SVEP1: variants seen among roughly 807,000 people sequenced by gnomAD.
The protein encoded by SVEP1 is sushi, von Willebrand factor type A, EGF and pentraxin domain-containing protein 1.
A neutral mutation model predicts 367.3 loss-of-function variants in SVEP1; 164 were observed. That is an observed-to-expected ratio of 0.45 (90% CI 0.39 to 0.51). SVEP1 has a LOEUF of 0.51. Ranked by LOEUF, SVEP1 falls within the 20% of genes least tolerant of loss-of-function variation. The pLI is 0.00. For missense variants in SVEP1, 4,117 were observed against 4,425.3 expected, an observed-to-expected ratio of 0.93 and a Z score of 1.98; for synonymous variants, 1,666 against 1,611.6, an observed-to-expected ratio of 1.03 and a Z score of -0.81.
chr9:110,480,454 G>A (rs1262797733), intron 12 of SVEP1, among the ~76,000 whole-genome samples: 1 of 151,922 alleles, frequency 6.6e-6, no homozygotes, highest in East Asian at 1.9e-4. Context: ...TCACTTCAGA[G>A]AATATTTATT....
In SVEP1 at chr9:110,375,276, C is replaced by T. The variant is rs190899228; in HGVS notation, c.10600+92G>A. On this transcript the variant is annotated intron_variant, in intron 46 of 47. Transcript: ENST00000374469. Reference sequence around the variant, plus strand: ...AAACATCAGTACTTTTTCATTTTGCCACCACTTCTGAGTCTAAGTCACACT... The same window carrying T: ...AAACATCAGTACTTTTTCATTTTGCTACCACTTCTGAGTCTAAGTCACACT... 2,263 of 1,105,736 alleles carry T rather than the reference C, an allele frequency of 2.0e-3. 31 individuals carry two copies. The highest frequency in any genetic ancestry group is 2.7e-4 in the Non-Finnish European group (209 of 784,250). The allele number at this position is 1,105,736 out of a possible 1,614,324, so 68.5% of individuals were successfully genotyped here. A position where few individuals can be genotyped will look rare whatever the true frequency, so the allele number is the denominator to read the frequency against.
intron 3 of SVEP1, among the ~76,000 whole-genome samples, chr9:110,543,200 G>A (rs1251932764): frequency 1.3e-5 from 2 of 152,090 alleles, no homozygotes; most frequent in Non-Finnish European, 2.9e-5. Context: ...AAAGACAGAG[G>A]CACCTCTTGG....
chr9:110,546,192 C>T lies in SVEP1; in HGVS notation c.887G>A (p.Cys296Tyr), dbSNP rs1489901853. Residue 296 changes from cysteine to tyrosine, a missense_variant, in exon 3 of 48, where the codon TGT becomes TAT. Around this residue, in one of 4 missense-constraint regions of SVEP1, gnomAD observed 2,174 missense variants for 2,494.3 expected, o/e 0.87. Coordinates refer to ENST00000374469, the MANE Select transcript of SVEP1 (RefSeq NM_153366.4). ...CTCAAAATGGCCTGTGTGTGTCCCA[C>T]ATTTGCAGCTTCCCATTCGGTCACA... The part of the protein sequence containing the change: ...DCCDRMGSCK[C>Y]GTHTGHFECI... 1.3e-6 allele frequency: 2 copies of T among 1,567,664 alleles called. No individual in the cohort carries two copies. Among genetic ancestry groups the T allele is most frequent in the South Asian group, 1.2e-5 (1 of 84,866 alleles).
Position 110,430,256 on chromosome 9 carries a change from T to A in SVEP1, c.5530+18A>T, listed in dbSNP as rs1725303720. On this transcript the variant is annotated intron_variant, in intron 33 of 47. Transcript: ENST00000374469. ...GGATTGCCAAACATAAGAAACGTGG[T>A]AAATTTACTAAACATACCTTTACAA... 3 of 1,602,480 alleles carry A rather than the reference T, an allele frequency of 1.9e-6. No individual in the cohort carries two copies. Among genetic ancestry groups the A allele is most frequent in the Non-Finnish European group, 2.6e-6 (3 of 1,173,820 alleles).
intron 8 of SVEP1, among the ~76,000 whole-genome samples, chr9:110,495,238 G>GT (rs543055989): frequency 6.6e-6 from 1 of 151,790 alleles, no homozygotes; most frequent in Non-Finnish European, 1.5e-5. Context: ...CTGAATAACG[G>GT]CCCCCCCAAA....
chr9:110,414,980 C>T (rs764219891), intron 36 of SVEP1, among the ~76,000 whole-genome samples: 6 of 151,928 alleles, frequency 3.9e-5, no homozygotes, highest in Non-Finnish European at 5.9e-5. Context: ...CTTCCCTCTG[C>T]GTTTCTCACC....
chr9:110,372,996 T>A (rs1027741162), intron 46 of SVEP1, among the ~76,000 whole-genome samples: 2 of 152,202 alleles, frequency 1.3e-5, no homozygotes, highest in Non-Finnish European at 2.9e-5. Flanking sequence ...AACTAGGCCA[T>A]GATCCAGAGT....
Position 110,513,094 on chromosome 9 carries a change from G to A in SVEP1, c.1135C>T (p.Pro379Ser), listed in dbSNP as rs1829748913. 1.2e-6 allele frequency: 2 copies of A among 1,610,478 alleles called. No individual in the cohort carries two copies. The highest frequency in any genetic ancestry group is 1.3e-5 in the African/African-American group (1 of 74,782). ...SGQTCELVHC[P>S]ALKPPENGYF... Reference sequence around the variant, plus strand: ...CCATTTTCGGGAGGCTTCAGGGCAGGGCAGTGGACAACTAACATTTACAAA... The same window carrying A: ...CCATTTTCGGGAGGCTTCAGGGCAGAGCAGTGGACAACTAACATTTACAAA... Residue 379 changes from proline (P) to serine (S), a missense_variant, in exon 5 of 48, where the codon CCT (proline) becomes TCT (serine). Physicochemically the swap from Pro to Ser is moderately conservative, Grantham distance 74. This residue lies in a region of SVEP1 where 2,174 missense variants were observed against 2,494.3 expected (regional missense o/e 0.87). Coordinates refer to ENST00000374469, the MANE Select transcript of SVEP1 (RefSeq NM_153366.4).
rs141570206 is a variant in SVEP1 at position 110,545,921 on chromosome 9, A to C, written c.964+194T>G. 2.8e-3 allele frequency among the ~76,000 whole-genome samples: 423 copies of C among 152,302 alleles called. 2 individuals carry two copies. Among genetic ancestry groups the C allele is most frequent in the African/African-American group, 9.7e-3 (403 of 41,560 alleles). On this transcript the variant is annotated intron_variant, in intron 3 of 47. Coordinates refer to ENST00000374469, the MANE Select transcript of SVEP1 (RefSeq NM_153366.4). Reference sequence around the variant, plus strand: ...AAACACATAAGAGAATCCAGCTGAGATCAGCCAGCAGCCTACTCAACTCAC... The same window carrying C: ...AAACACATAAGAGAATCCAGCTGAGCTCAGCCAGCAGCCTACTCAACTCAC...
At position 110,503,962 on chromosome 9, in the gene SVEP1, A is replaced by G. The variant is rs551685283; in HGVS notation, c.1304-745T>C. ...ACAACTCTCCACCTCTACCTCAACT[A>G]ATGAGAGCCCATAATATATAGCTGA... is the stretch of plus-strand genomic sequence containing the variant. On this transcript the variant is annotated intron_variant, in intron 5 of 47. Transcript: ENST00000374469. Among the ~76,000 whole-genome samples, 51 of 152,302 alleles carry G rather than the reference A, an allele frequency of 3.3e-4. 1 individual carries two copies. Among genetic ancestry groups the G allele is most frequent in the African/African-American group, 1.2e-3 (48 of 41,564 alleles).
chr9:110,493,352 T>G (rs533209715), intron 8 of SVEP1, among the ~76,000 whole-genome samples: 89 of 152,174 alleles, frequency 5.8e-4, no homozygotes, highest in Non-Finnish European at 1.1e-3. Flanking sequence ...GAAAGACTTT[T>G]GAACCTTTCC....
At position 110,429,162 on chromosome 9, in the gene SVEP1, A is replaced by G. The variant is rs754325787; in HGVS notation, c.5788T>C (p.Ser1930Pro). 1 of 1,595,714 alleles carries G rather than the reference A, an allele frequency of 6.3e-7. No individual in the cohort carries two copies. Among genetic ancestry groups the G allele is most frequent in the Non-Finnish European group, 8.5e-7 (1 of 1,170,580 alleles). ...GLTYLSTASY[S>P]CDTGYSLQGP... ...TGTTACCTGTATCCTGTATCGCATG[A>G]ATATGATGCAGTAGAAAGGTAGGTA... Residue 1930 changes from serine to proline, a missense_variant, in exon 35 of 48, where the codon TCA (serine) becomes CCA (proline). Physicochemically the swap from Ser to Pro is moderately conservative, Grantham distance 74. Transcript: ENST00000374469.
rs1361536437 is a variant in SVEP1 at position 110,579,059 on chromosome 9, TAGG to T, written c.482_484del (p.Ser161del). ...CTTGGTGTAGGTGCCGCCACCTCGG[TAGG>T]AGATGGCAGGGATCTCTTGGAGGAG... is the stretch of plus-strand genomic sequence containing the variant. On this transcript the variant is annotated inframe_deletion, in exon 1 of 48. Transcript: ENST00000374469. The surrounding 1 kb of genome is among the most constrained non-coding windows in gnomAD (Gnocchi z 5.3). 1 of 1,549,872 alleles carries T rather than the reference TAGG, an allele frequency of 6.5e-7. No individual in the cohort carries two copies. The highest frequency in any genetic ancestry group is 8.7e-7 in the Non-Finnish European group (1 of 1,146,926).
At chr9:110,552,932 G>T (rs569237325) in intron 1 of SVEP1, among the ~76,000 whole-genome samples, 1 of 152,310 alleles carries the variant, frequency 6.6e-6, no homozygotes, top group South Asian at 2.1e-4. Flanking sequence ...AAGGAGTCTT[G>T]CAATAATAAA....
chr9:110,445,301 C>T (rs1182043251), intron 26 of SVEP1, among the ~76,000 whole-genome samples: 2 of 152,088 alleles, frequency 1.3e-5, no homozygotes, highest in Non-Finnish European at 2.9e-5. Flanking sequence ...CAACCCATGG[C>T]GATGGGGCCC....
At chr9:110,425,296 A>G (rs1412601177) in intron 36 of SVEP1, among the ~76,000 whole-genome samples, 1 of 152,208 alleles carries the variant, frequency 6.6e-6, no homozygotes, top group Non-Finnish European at 1.5e-5. Context: ...ATCACTTTAT[A>G]TGCTAATAAT....
intron 5 of SVEP1, among the ~76,000 whole-genome samples, chr9:110,505,123 G>T (rs1370571175): frequency 6.6e-6 from 1 of 152,134 alleles, no homozygotes; most frequent in African/African-American, 2.4e-5. Context: ...CATTTCCGCG[G>T]TTCTGCCACC....
intron 16 of SVEP1, among the ~76,000 whole-genome samples, chr9:110,469,302 A>AT (rs1828982802): frequency 6.6e-6 from 1 of 152,182 alleles, no homozygotes; most frequent in African/African-American, 2.4e-5. Context: ...ACATTCGTTT[A>AT]TTTTTTAAAG....
chr9:110,440,137 C>T (rs879465043), intron 27 of SVEP1, among the ~76,000 whole-genome samples: 1 of 152,172 alleles, frequency 6.6e-6, no homozygotes, highest in Admixed American at 6.5e-5. Context: ...TTTGAAATAC[C>T]TTTAATGTCT....
Sources: gnomAD v4.1 joint callset for allele counts (sites outside exome capture counted in the v4.1 genomes callset) on GRCh38, gnomAD v4.1.1 for gene constraint, gnomAD v4.1.1 regional missense constraint, Gnocchi (gnomAD v3.1) non-coding constraint, MANE v1.5 for transcripts, NCBI Gene and HGNC (gene_info 2026-07-23, HGNC 2026-07-21) for gene names.